The following GRID2 variants were observed in gnomAD, a reference collection of about 807,000 sequenced individuals.
GRID2 encodes the protein glutamate ionotropic receptor delta type subunit 2.
In GRID2, 33 loss-of-function variants were observed where a neutral mutation model predicts 114.8. That is an observed-to-expected ratio of 0.29 (90% CI 0.22 to 0.38). The LOEUF (loss-of-function observed/expected upper bound fraction) is 0.38. Ranked by LOEUF, GRID2 falls within the 10% of genes least tolerant of loss-of-function variation. The pLI, the probability that GRID2 is intolerant of heterozygous loss-of-function variation, is 1.00. For missense variants in GRID2, 1,184 were observed against 1,257.7 expected (o/e 0.94, Z 0.89); for synonymous variants, 505 against 449.9 (o/e 1.12, Z -1.55).
At chr4:92,834,627 G>A (rs1040281657) in intron 2 of GRID2, among the ~76,000 whole-genome samples, 5 of 152,158 alleles carry the variant, frequency 3.3e-5, no homozygotes, top group African/African-American at 4.8e-5. Flanking sequence ...CTGCATCAGA[G>A]AAGAGGTACA....
At chr4:93,231,390 C>CAAAAA (rs34267723) in intron 7 of GRID2, among the ~76,000 whole-genome samples, 4 of 104,502 alleles carry the variant, frequency 3.8e-5, no homozygotes, top group East Asian at 3.0e-4. Context: ...CACCCCCTGC[C>CAAAAA]AAAAAAAAAA....
chr4:92,965,198 TGTG>T (rs1475636792), intron 2 of GRID2, among the ~76,000 whole-genome samples: 1 of 151,666 alleles, frequency 6.6e-6, no homozygotes, highest in Non-Finnish European at 1.5e-5. Flanking sequence ...TCAGAACACA[TGTG>T]GTGTTTATTG....
intron 2 of GRID2, among the ~76,000 whole-genome samples, chr4:92,798,569 A>C (rs1368344087): frequency 6.6e-6 from 1 of 152,040 alleles, no homozygotes; most frequent in Non-Finnish European, 1.5e-5. Flanking sequence ...GAATGACAGA[A>C]TCTAACTTTG....
At chr4:92,707,928 G>T (rs981370961) in intron 2 of GRID2, among the ~76,000 whole-genome samples, 1 of 152,052 alleles carries the variant, frequency 6.6e-6, no homozygotes, top group Non-Finnish European at 1.5e-5. Flanking sequence ...AAAAACCAAC[G>T]AACAAACTTA....
chr4:93,533,085 A>G (rs1731617116), intron 13 of GRID2, among the ~76,000 whole-genome samples: 1 of 152,132 alleles, frequency 6.6e-6, no homozygotes, highest in Admixed American at 6.6e-5. Context: ...GTCATCCAGC[A>G]ATTTCAAACT....
At chr4:93,274,990 C>A (rs1334252472) in intron 8 of GRID2, among the ~76,000 whole-genome samples, 1 of 151,910 alleles carries the variant, frequency 6.6e-6, no homozygotes, top group Non-Finnish European at 1.5e-5. Flanking sequence ...CAAAGTTATT[C>A]AACCCTCAGG....
At chr4:92,744,365 G>A (rs1233314600) in intron 2 of GRID2, among the ~76,000 whole-genome samples, 1 of 151,748 alleles carries the variant, frequency 6.6e-6, no homozygotes, top group East Asian at 2.0e-4. Flanking sequence ...GCACACGCCT[G>A]TAATCCTAGC....
chr4:92,987,061 A>G (rs1560772105), intron 2 of GRID2, among the ~76,000 whole-genome samples: 1 of 152,202 alleles, frequency 6.6e-6, no homozygotes, highest in Non-Finnish European at 1.5e-5. Flanking sequence ...AAAGGATGGA[A>G]ACTGTGCAAA....
chr4:92,709,728 ATGCCATTT>A (rs1219366427), intron 2 of GRID2, among the ~76,000 whole-genome samples: 1 of 151,846 alleles, frequency 6.6e-6, no homozygotes, highest in Non-Finnish European at 1.5e-5. Flanking sequence ...GCTTAGCAAG[ATGCCATTT>A]TGTCTGACTG....
chr4:93,284,866 CATT>C (rs1410973500), intron 8 of GRID2, among the ~76,000 whole-genome samples: 12 of 151,888 alleles, frequency 7.9e-5, no homozygotes, highest in African/African-American at 2.9e-4. Context: ...ATAAATCAGT[CATT>C]ATATCTACAA....
chr4:93,799,444 T>C (rs1468125966), intron 1 of GRID2, among the ~76,000 whole-genome samples: 1 of 152,106 alleles, frequency 6.6e-6, no homozygotes, highest in Non-Finnish European at 1.5e-5. Flanking sequence ...GCCCCTTTTT[T>C]TTTTTTAACA....
chr4:93,743,266 A>G (rs1268778992), intron 14 of GRID2, among the ~76,000 whole-genome samples: 2 of 152,224 alleles, frequency 1.3e-5, no homozygotes, highest in Non-Finnish European at 2.9e-5. Flanking sequence ...ATTGGTTCAT[A>G]AAGTTAAAGA....
intron 7 of GRID2, among the ~76,000 whole-genome samples, chr4:93,230,507 TTAAG>T (rs1353187241): frequency 1.3e-5 from 2 of 152,184 alleles, no homozygotes; most frequent in Non-Finnish European, 2.9e-5. Context: ...TATTATGTAA[TTAAG>T]TTGTTTTTAT....
chr4:93,752,957 C>T (rs1416294351), intron 14 of GRID2, among the ~76,000 whole-genome samples: 1 of 152,128 alleles, frequency 6.6e-6, no homozygotes, highest in East Asian at 1.9e-4. Flanking sequence ...CTATATGGAT[C>T]ATACCCTGAC....
intron 2 of GRID2, among the ~76,000 whole-genome samples, chr4:92,746,056 C>A (rs1737135972): frequency 6.6e-6 from 1 of 152,064 alleles, no homozygotes; most frequent in Non-Finnish European, 1.5e-5. Flanking sequence ...CTGCATCCAG[C>A]CACTTTTTAA....
chr4:93,260,158 A>G (rs1750096375), intron 8 of GRID2, among the ~76,000 whole-genome samples: 1 of 151,688 alleles, frequency 6.6e-6, no homozygotes, highest in Non-Finnish European at 1.5e-5. Flanking sequence ...GCCCTACTGG[A>G]GAGGATGATT....
At chr4:92,753,697 G>T (rs1300488821) in intron 2 of GRID2, among the ~76,000 whole-genome samples, 1 of 152,076 alleles carries the variant, frequency 6.6e-6, no homozygotes, top group Non-Finnish European at 1.5e-5. Flanking sequence ...ATGAGTAATG[G>T]GCTGGAAACC....
intron 13 of GRID2, among the ~76,000 whole-genome samples, chr4:93,532,596 C>T (rs1731557159): frequency 6.6e-6 from 1 of 152,146 alleles, no homozygotes. Context: ...AATTGTGAAG[C>T]TCAAGAAGCT....
intron 9 of GRID2, among the ~76,000 whole-genome samples, chr4:93,398,149 A>G (rs186300719): frequency 6.9e-6 from 1 of 145,388 alleles, no homozygotes; most frequent in Non-Finnish European, 1.5e-5. Flanking sequence ...ATATATATAT[A>G]TATCTTATCA....
Sources: gnomAD v4.1 joint callset for allele counts (sites outside exome capture counted in the v4.1 genomes callset) on GRCh38, gnomAD v4.1.1 for gene constraint, MANE v1.5 for transcripts, NCBI Gene and HGNC (gene_info 2026-07-23, HGNC 2026-07-21) for gene names.